Variants in CENPP observed in about 807,000 individuals in gnomAD.
CENPP encodes the protein centromere protein P.
Under a neutral mutation model 35.6 loss-of-function variants are expected in CENPP, and 24 were observed. The ratio of observed to expected loss-of-function variants is 0.67; its 90% CI spans 0.49 to 0.95. The LOEUF (loss-of-function observed/expected upper bound fraction) is 0.95. Among genes scored for constraint, CENPP ranks in the 40% least tolerant of loss-of-function variants. The pLI, the probability that CENPP is intolerant of heterozygous loss-of-function variation, is 0.00. For missense variants in CENPP, 332 were observed against 345.3 expected, an observed-to-expected ratio of 0.96 and a Z score of 0.31; for synonymous variants, 120 against 125.5, an observed-to-expected ratio of 0.96 and a Z score of 0.29.
Position 92,332,206 on chromosome 9 carries a change from A to T in CENPP, c.144A>T (p.Glu48Asp). The change falls in exon 2 of 8, where the codon GAA becomes GAT. Residue 48 changes from glutamate (E) to aspartate (D), a missense_variant. Coordinates refer to ENST00000375587, the MANE Select transcript of CENPP (RefSeq NM_001012267.3). Reference protein sequence around the residue: ...SFQAIHQFNLEGWKSSKDLKN... With the variant: ...SFQAIHQFNLDGWKSSKDLKN... ...AAGCCATACACCAATTCAATTTGGA[A>T]GGATGGAAGTCTTCAAAAGATCTGA... 1 of 1,605,948 alleles carries T rather than the reference A, an allele frequency of 6.2e-7. No individual in the cohort carries two copies. Among genetic ancestry groups the T allele is most frequent in the Non-Finnish European group, 8.5e-7 (1 of 1,177,736 alleles).
intron 5 of CENPP, among the ~76,000 whole-genome samples, chr9:92,410,717 GT>G (rs778316416): frequency 1.3e-5 from 2 of 152,236 alleles, no homozygotes; most frequent in Non-Finnish European, 2.9e-5. Context: ...ACCCAGGAGT[GT>G]GCAGCATCTG....
rs148933155 is a variant in CENPP at position 92,570,081 on chromosome 9, C to T, written c.565-41233C>T. Among the ~76,000 whole-genome samples the T allele has an allele frequency of 3.8e-3, 576 of 152,124 alleles. 3 individuals are homozygous for T. Among genetic ancestry groups the T allele is most frequent in the African/African-American group, 0.012 (513 of 41,516 alleles). On this transcript the variant is annotated intron_variant, in intron 5 of 7. Coordinates refer to ENST00000375587, the MANE Select transcript of CENPP (RefSeq NM_001012267.3). The stretch of plus-strand genomic sequence containing the variant: ...TTGAATACCCTTTATTTCTTTCTCC[C>T]GCCTGATTGCTCTGGCCAGAGCTTC...
chr9:92,566,236 G>A (rs1189909686), intron 5 of CENPP, among the ~76,000 whole-genome samples: 3 of 151,488 alleles, frequency 2.0e-5, no homozygotes, highest in Non-Finnish European at 4.4e-5. Context: ...GGAGTCAGAG[G>A]TTGCAGTGAC....
At chr9:92,456,912 G>A (rs184488278) in intron 5 of CENPP, 1 of 1,005,330 alleles carries the variant, frequency 9.9e-7, no homozygotes, top group Admixed American at 5.5e-5. Context: ...AAATGAAAGA[G>A]CACAAATTTT....
chr9:92,428,120 C>T (rs1490537374), intron 5 of CENPP, among the ~76,000 whole-genome samples: 3 of 152,192 alleles, frequency 2.0e-5, no homozygotes, highest in African/African-American at 7.2e-5. Context: ...TAATTGCAGT[C>T]AGTCTCTTAG....
intron 5 of CENPP, among the ~76,000 whole-genome samples, chr9:92,519,769 G>C (rs897852520): frequency 3.3e-5 from 5 of 152,038 alleles, no homozygotes; most frequent in African/African-American, 1.2e-4. Context: ...CTCATATTTG[G>C]CAGTGGATTC....
intron 4 of CENPP, among the ~76,000 whole-genome samples, chr9:92,348,797 C>G (rs1288620940): frequency 6.6e-6 from 1 of 152,138 alleles, no homozygotes; most frequent in Non-Finnish European, 1.5e-5. Context: ...GATATTTTTG[C>G]TGGCCATAGA....
chr9:92,518,001 T>C, intron 5 of CENPP: 3 of 1,101,806 alleles, frequency 2.7e-6, no homozygotes, highest in South Asian at 1.5e-5. Flanking sequence ...TGTGCATTCA[T>C]GTATAGGGTA....
At chr9:92,560,294 A>G (rs1192931559) in intron 5 of CENPP, among the ~76,000 whole-genome samples, 1 of 152,198 alleles carries the variant, frequency 6.6e-6, no homozygotes, top group Non-Finnish European at 1.5e-5. Flanking sequence ...GAACTTGTCC[A>G]TTACAGCAAA....
chr9:92,615,999 C>G lies in CENPP; in HGVS notation c.*2850C>G, dbSNP rs140908371. ...TAGGGCTTGAGGTCAAGGTCCAGCA[C>G]AGACACGGAAAAGGCAAACCTGGAC... is the stretch of plus-strand genomic sequence containing the variant. On this transcript the variant is annotated 3_prime_UTR_variant, in exon 8 of 8. Coordinates refer to ENST00000375587, the MANE Select transcript of CENPP (RefSeq NM_001012267.3). 65 of 1,614,088 alleles carry G rather than the reference C, an allele frequency of 4.0e-5. No individual in the cohort carries two copies. The highest frequency in any genetic ancestry group is 5.5e-5 in the Non-Finnish European group (65 of 1,180,044).
chr9:92,338,301 G>C (rs1451998764), intron 3 of CENPP, among the ~76,000 whole-genome samples: 1 of 151,814 alleles, frequency 6.6e-6, no homozygotes, highest in African/African-American at 2.4e-5. Context: ...AGCAGAGTGA[G>C]ACTCTGTCAC....
At chr9:92,465,824 T>C (rs1845284754) in intron 5 of CENPP, among the ~76,000 whole-genome samples, 1 of 151,966 alleles carries the variant, frequency 6.6e-6, no homozygotes, top group Non-Finnish European at 1.5e-5. Context: ...GCTAAGTGTT[T>C]CAAAGGAGGT....
intron 5 of CENPP, among the ~76,000 whole-genome samples, chr9:92,581,957 A>T (rs1012068537): frequency 6.6e-6 from 1 of 152,186 alleles, no homozygotes; most frequent in Non-Finnish European, 1.5e-5. Context: ...AGATGATAAA[A>T]TGTCTAAGGT....
In CENPP at chr9:92,352,513, A is replaced by G. The variant is rs1258464837; in HGVS notation, c.467+6726A>G. On this transcript the variant is annotated intron_variant, in intron 4 of 7. Transcript: ENST00000375587. The stretch of plus-strand genomic sequence containing the variant: ...TGTGTGTGTGTGTGTGTGTATACAT[A>G]TATATATATATATATATATATATAT... Among the ~76,000 whole-genome samples the G allele has an allele frequency of 2.2e-3, 162 of 74,274 alleles. 4 individuals are homozygous for G. Among genetic ancestry groups the G allele is most frequent in the African/African-American group, 9.8e-3 (133 of 13,632 alleles). The allele number at this position is 74,274 out of a possible 152,430, so 48.7% of individuals were successfully genotyped here.
intron 5 of CENPP, among the ~76,000 whole-genome samples, chr9:92,487,688 G>A (rs1246628535): frequency 6.6e-6 from 1 of 152,026 alleles, no homozygotes; most frequent in Non-Finnish European, 1.5e-5. Flanking sequence ...CAGACATGGT[G>A]GCACACACCT....
At chr9:92,500,339 C>T (rs144111152) in intron 5 of CENPP, among the ~76,000 whole-genome samples, 1 of 152,128 alleles carries the variant, frequency 6.6e-6, no homozygotes, top group Non-Finnish European at 1.5e-5. Flanking sequence ...CGCACCACCA[C>T]GCCCTGCTAA....
At position 92,389,129 on chromosome 9, in the gene CENPP, TTGAA is replaced by T. The variant is rs777671047; in HGVS notation, c.564+9274_564+9277del. Among the ~76,000 whole-genome samples, 18 of 152,266 alleles carry T rather than the reference TTGAA, an allele frequency of 1.2e-4. No homozygotes were observed. The East Asian group carries it at 2.5e-3, about 21-fold the overall frequency. ...CTTTAGAAGCAAGAAACCTTGCCTT[TTGAA>T]TGAGATTATGTCTGTTACCAGCAAT... On this transcript the variant is annotated intron_variant, in intron 5 of 7. Coordinates refer to ENST00000375587, the MANE Select transcript of CENPP (RefSeq NM_001012267.3).
At chr9:92,500,671 A>G in intron 5 of CENPP, 6 of 1,504,394 alleles carry the variant, frequency 4.0e-6, no homozygotes, top group Non-Finnish European at 5.4e-6. Flanking sequence ...TGGTTGTTTT[A>G]TCATATATTT....
chr9:92,488,494 T>C (rs934813524), intron 5 of CENPP, among the ~76,000 whole-genome samples: 3 of 152,228 alleles, frequency 2.0e-5, no homozygotes, highest in African/African-American at 7.2e-5. Flanking sequence ...ATCTATGTAT[T>C]TTTCTGCATA....
Sources: gnomAD v4.1 joint callset for allele counts (sites outside exome capture counted in the v4.1 genomes callset) on GRCh38, gnomAD v4.1.1 for gene constraint, MANE v1.5 for transcripts, NCBI Gene and HGNC (gene_info 2026-07-23, HGNC 2026-07-21) for gene names.